Variants in ZBTB5 observed in about 807,000 individuals in gnomAD.
ZBTB5 encodes the protein zinc finger and BTB domain-containing protein 5.
ZBTB5 carries 15 observed loss-of-function variants against 37.9 expected under a neutral mutation model. The ratio of observed to expected loss-of-function variants is 0.40; its 90% CI spans 0.26 to 0.61. ZBTB5 has a LOEUF of 0.61. Ranked by LOEUF, ZBTB5 falls within the 20% of genes least tolerant of loss-of-function variation. The pLI is 0.47. For synonymous variants in ZBTB5, 315 were observed against 312.4 expected (o/e 1.01, Z -0.09); for missense variants, 708 against 856.8 (o/e 0.83, Z 2.17).
intron 1 of ZBTB5, among the ~76,000 whole-genome samples, chr9:37,448,372 G>A (rs1362954112): frequency 6.6e-6 from 1 of 152,216 alleles, no homozygotes. Flanking sequence ...TTGGGAAAGT[G>A]GGAATCACAA....
intron 1 of ZBTB5, among the ~76,000 whole-genome samples, chr9:37,459,489 C>T (rs1824250290): frequency 6.6e-6 from 1 of 151,628 alleles, no homozygotes; most frequent in East Asian, 1.9e-4. Context: ...TCTTTTCTTT[C>T]CAATCCCAAC....
chr9:37,458,887 C>G (rs1824238095), intron 1 of ZBTB5, among the ~76,000 whole-genome samples: 1 of 152,160 alleles, frequency 6.6e-6, no homozygotes. Context: ...ATGAAAAGTT[C>G]ATTGACATAA....
intron 1 of ZBTB5, among the ~76,000 whole-genome samples, chr9:37,451,755 C>T (rs1158534223): frequency 6.6e-6 from 1 of 151,864 alleles, no homozygotes; most frequent in African/African-American, 2.4e-5. Context: ...GGGTAGGGGG[C>T]CAGTGAGTTA....
Position 37,440,947 on chromosome 9 carries a change from G to C in ZBTB5, c.1605C>G (p.Tyr535Ter), listed in dbSNP as rs776391358. The change falls in exon 2 of 2, where the codon TAC (tyrosine) becomes TAG (stop). Residue 535 changes from tyrosine (Y) to a stop codon, truncating the protein, a stop_gained. Transcript: ENST00000307750. LOFTEE classifies it high-confidence loss of function. ...PRGGASNFPY[Y>*]RRIAPKMPVV... Reference sequence around the variant, plus strand: ...CTGGCATTTTGGGAGCTATGCGGCGGTAGTAAGGAAAGTTACTGGCTCCTC... The same window carrying C: ...CTGGCATTTTGGGAGCTATGCGGCGCTAGTAAGGAAAGTTACTGGCTCCTC... 1 of 1,614,214 alleles carries C rather than the reference G, an allele frequency of 6.2e-7. No homozygotes were observed. Among genetic ancestry groups the C allele is most frequent in the Admixed American group, 1.7e-5 (1 of 60,024 alleles).
chr9:37,442,380 C>T lies in ZBTB5; in HGVS notation c.172G>A (p.Gly58Arg), dbSNP rs761246276. 71 of 1,614,062 alleles carry T rather than the reference C, an allele frequency of 4.4e-5. No individual in the cohort carries two copies. Among genetic ancestry groups the T allele is most frequent in the Middle Eastern group, 3.3e-4 (2 of 6,084 alleles). The change falls in exon 2 of 2, where the codon GGA becomes AGA. Residue 58 changes from glycine (G) to arginine (R), a missense_variant. This residue lies in a region of ZBTB5 where 639 missense variants were observed against 690.5 expected (regional missense o/e 0.93). Transcript: ENST00000307750. ...TGGATCATGTTCATGGTCTGATCTC[C>T]TTCTGCCACTGAGAACAGGGCTCGG... ...HFRALFSVAE[G>R]DQTMNMIQLD... is the part of the protein sequence containing the mutation.
At chr9:37,461,437 T>C (rs1824291394) in intron 1 of ZBTB5, among the ~76,000 whole-genome samples, 1 of 152,104 alleles carries the variant, frequency 6.6e-6, no homozygotes, top group African/African-American at 2.4e-5. Context: ...CTTAAGAAAA[T>C]GGCAATCAGC....
At chr9:37,465,189 G>C (rs992066653) in intron 1 of ZBTB5, 26 bp downstream of exon 1, 3 of 152,320 alleles carry the variant, frequency 2.0e-5, no homozygotes, top group African/African-American at 7.2e-5. Flanking sequence ...CCGCCATCAC[G>C]ATACTCGCTG....
intron 1 of ZBTB5, among the ~76,000 whole-genome samples, chr9:37,464,846 G>A (rs1178877438): frequency 6.6e-6 from 1 of 152,216 alleles, no homozygotes; most frequent in Non-Finnish European, 1.5e-5. Context: ...ATGGGGGCAA[G>A]GGAGCCGTCC....
At chr9:37,450,044 C>T (rs1299702713) in intron 1 of ZBTB5, among the ~76,000 whole-genome samples, 1 of 152,142 alleles carries the variant, frequency 6.6e-6, no homozygotes, top group Non-Finnish European at 1.5e-5. Flanking sequence ...AAACGTCACA[C>T]GTGATCAAAC....
In ZBTB5 at chr9:37,439,297, G is replaced by A. The variant is rs1823806153; in HGVS notation, c.*1221C>T. On this transcript the variant is annotated 3_prime_UTR_variant, in exon 2 of 2. Coordinates refer to ENST00000307750, the MANE Select transcript of ZBTB5 (RefSeq NM_014872.3). ...CCTAGTGCCTCCAACAGTCTCAGAT[G>A]CTACTTGATTACTTCTATGCTATGG... 6.6e-6 allele frequency: 1 copy of A among 152,206 alleles called. No individual in the cohort carries two copies. Among genetic ancestry groups the A allele is most frequent in the South Asian group, 2.1e-4 (1 of 4,826 alleles). 9.4% of individuals were successfully genotyped at this position (152,206 alleles called of 1,614,324 possible). A position where few individuals can be genotyped will look rare whatever the true frequency, so the allele number is the denominator to read the frequency against.
chr9:37,465,181 G>C lies in ZBTB5; in HGVS notation c.-5+34C>G, dbSNP rs192039947. The C allele has an allele frequency of 1.8e-3, 271 of 152,440 alleles. 2 individuals carry two copies. The highest frequency in any genetic ancestry group is 0.011 in the South Asian group (55 of 4,832). The allele number at this position is 152,440 out of a possible 1,614,324, so 9.4% of individuals were successfully genotyped here. On this transcript the variant is annotated intron_variant, in intron 1 of 1. Transcript: ENST00000307750. The stretch of plus-strand genomic sequence containing the variant: ...CAACCTTCCCCACGTGAGCGCGCCC[G>C]CCATCACGATACTCGCTGACGGGGT...
chr9:37,464,997 G>A (rs146561655), intron 1 of ZBTB5, among the ~76,000 whole-genome samples: 1 of 152,274 alleles, frequency 6.6e-6, no homozygotes, highest in East Asian at 1.9e-4. Flanking sequence ...CCCGCAGACA[G>A]CCTGGCGTCG....
At position 37,440,607 on chromosome 9, in the gene ZBTB5, T is replaced by G. The variant is rs1823847409; in HGVS notation, c.1945A>C (p.Arg649=). ...KPYACLKCGK[R]FSQSSHLYKH... ...TACAGGTGGCTGGACTGACTAAACC[T>G]CTTGCCACACTTCAGGCAGGCGTAA... is the stretch of plus-strand genomic sequence containing the variant. Residue 649 remains arginine, a synonymous_variant, in exon 2 of 2, where the codon AGG becomes CGG. Transcript: ENST00000307750. The G allele has an allele frequency of 6.2e-7, 1 of 1,614,238 alleles. No individual in the cohort carries two copies. The highest frequency in any genetic ancestry group is 1.3e-5 in the African/African-American group (1 of 75,062).
At chr9:37,455,795 A>T (rs1824176684) in intron 1 of ZBTB5, among the ~76,000 whole-genome samples, 1 of 152,162 alleles carries the variant, frequency 6.6e-6, no homozygotes. Flanking sequence ...TGAAAACAAA[A>T]GTCAGAGAGC....
At chr9:37,451,255 G>C (rs1824097813) in intron 1 of ZBTB5, among the ~76,000 whole-genome samples, 1 of 151,936 alleles carries the variant, frequency 6.6e-6, no homozygotes, top group South Asian at 2.1e-4. Context: ...AAATCTTGTA[G>C]AACTACTGAT....
chr9:37,441,198 C>G lies in ZBTB5; in HGVS notation c.1354G>C (p.Ala452Pro), dbSNP rs1823866227. Residue 452 changes from alanine (A) to proline (P), a missense_variant, in exon 2 of 2, where the codon GCT becomes CCT. By Grantham distance (27) the Ala-to-Pro change is conservative (BLOSUM62 -1). Coordinates refer to ENST00000307750, the MANE Select transcript of ZBTB5 (RefSeq NM_014872.3). ...GAGGAGGGCCCACCTGCAGGCCCAG[C>G]CTCTGGACTCAACAAATAGGGGGCC... ...SEAPYLLSPE[A>P]GPAGGPSSAP... 2 of 1,614,076 alleles carry G rather than the reference C, an allele frequency of 1.2e-6. No homozygotes were observed. The highest frequency in any genetic ancestry group is 3.3e-5 in the Admixed American group (2 of 60,010).
At chr9:37,452,947 T>C (rs1164002307) in intron 1 of ZBTB5, among the ~76,000 whole-genome samples, 1 of 152,134 alleles carries the variant, frequency 6.6e-6, no homozygotes, top group Admixed American at 6.5e-5. Context: ...GTAATAGGGA[T>C]CAAGGGGATC....
intron 1 of ZBTB5, among the ~76,000 whole-genome samples, chr9:37,462,948 T>TGGGAAA (rs1824321644): frequency 6.6e-6 from 1 of 152,102 alleles, no homozygotes; most frequent in South Asian, 2.1e-4. Context: ...CCAGCCACAC[T>TGGGAAA]GGGAAAGAGA....
chr9:37,453,173 A>ATGTC (rs1318977086), intron 1 of ZBTB5, among the ~76,000 whole-genome samples: 2 of 152,118 alleles, frequency 1.3e-5, no homozygotes, highest in African/African-American at 2.4e-5. Context: ...AAGATGCCAC[A>ATGTC]TGTCTGTCTG....
Sources: allele counts gnomAD v4.1 joint callset (sites outside exome capture counted in the v4.1 genomes callset), GRCh38; gene constraint gnomAD v4.1.1; regional missense constraint gnomAD v4.1.1; transcripts MANE v1.5; gene names NCBI Gene and HGNC (gene_info 2026-07-23, HGNC 2026-07-21).